The following UBE2E2 variants were observed in gnomAD, a reference collection of about 807,000 sequenced individuals.
UBE2E2 encodes the protein ubiquitin-conjugating enzyme E2 E2.
Under a neutral mutation model 24.7 loss-of-function variants are expected in UBE2E2, and 6 were observed. The ratio of observed to expected loss-of-function variants is 0.24; its 90% CI spans 0.13 to 0.48. The LOEUF (loss-of-function observed/expected upper bound fraction) is 0.48. Among genes scored for constraint, UBE2E2 ranks in the 20% least tolerant of loss-of-function variants. UBE2E2 has a pLI of 0.99. For synonymous variants in UBE2E2, 104 were observed against 83.6 expected, an observed-to-expected ratio of 1.24 and a Z score of -1.33; for missense variants, 169 against 245.0, an observed-to-expected ratio of 0.69 and a Z score of 2.07.
At chr3:23,552,675 T>A (rs1464000224) in intron 5 of UBE2E2, among the ~76,000 whole-genome samples, 1 of 152,236 alleles carries the variant, frequency 6.6e-6, no homozygotes, top group African/African-American at 2.4e-5. Flanking sequence ...AATTGTACTT[T>A]GGAACTTTTA....
chr3:23,348,351 A>AAAAAAAAAAAAAAG (rs1315159794), intron 3 of UBE2E2, among the ~76,000 whole-genome samples: 26 of 151,224 alleles, frequency 1.7e-4, no homozygotes, highest in Admixed American at 1.7e-3. Context: ...TGCTTTCAAA[A>AAAAAAAAAAAAAAG]AAAAAAAAAA....
Position 23,474,986 on chromosome 3 carries a change from C to G in UBE2E2, c.228-24622C>G, listed in dbSNP as rs893754884. On this transcript the variant is annotated intron_variant, in intron 3 of 5. Transcript: ENST00000396703. This position sits in a 1 kb window ranked among gnomAD's most constrained non-coding sequence, Gnocchi z 4.0. Reference sequence around the variant, plus strand: ...TTGCTCCTCTCAAAGTCACCAACTGCATTTTGCTGAAAGTGATAGAACTTT... The same window carrying G: ...TTGCTCCTCTCAAAGTCACCAACTGGATTTTGCTGAAAGTGATAGAACTTT... 6.6e-6 allele frequency among the ~76,000 whole-genome samples: 1 copy of G among 152,112 alleles called. No homozygotes were observed. Among genetic ancestry groups the G allele is most frequent in the Non-Finnish European group, 1.5e-5 (1 of 68,038 alleles).
chr3:23,284,507 CATTATTATTATG>C (rs148136050), intron 3 of UBE2E2, among the ~76,000 whole-genome samples: 26,091 of 151,754 alleles, frequency 0.17, 2,506 homozygotes, highest in Non-Finnish European at 0.21. Flanking sequence ...CCGCAGTTAT[CATTATTATTATG>C]ATTATTATTT....
At chr3:23,342,143 A>G (rs1015268214) in intron 3 of UBE2E2, among the ~76,000 whole-genome samples, 2 of 152,116 alleles carry the variant, frequency 1.3e-5, no homozygotes, top group Non-Finnish European at 2.9e-5. Flanking sequence ...TGTCTAGCTA[A>G]AAAGAGGATT....
At chr3:23,446,699 G>GT (rs57327621) in intron 3 of UBE2E2, among the ~76,000 whole-genome samples, 7,882 of 112,094 alleles carry the variant, frequency 0.07, 402 homozygotes, top group Non-Finnish European at 0.089. Context: ...CGTCTGTTTG[G>GT]TTTTTTTTTT....
chr3:23,382,378 T>C (rs947156637), intron 3 of UBE2E2, among the ~76,000 whole-genome samples: 2 of 151,842 alleles, frequency 1.3e-5, no homozygotes, highest in Non-Finnish European at 2.9e-5. Flanking sequence ...GAGGGGGTTT[T>C]ACCATGTTGG....
intron 5 of UBE2E2, among the ~76,000 whole-genome samples, chr3:23,575,123 A>G (rs1001694325): frequency 2.6e-5 from 4 of 152,184 alleles, no homozygotes; most frequent in Non-Finnish European, 5.9e-5. Context: ...CATTTTGAAC[A>G]TTTGTGTGAA....
In UBE2E2 at chr3:23,206,357, G is replaced by C. The variant is rs73821292; in HGVS notation, c.-8-2335G>C. ...TAGAGTGAAATAAAAATGAAAAAAA[G>C]CAAGAAATATGTTACGACTTTTAGA... On this transcript the variant is annotated intron_variant, in intron 1 of 5. Transcript: ENST00000396703. Among the ~76,000 whole-genome samples the C allele has an allele frequency of 5.1e-3, 770 of 152,254 alleles. 8 individuals carry two copies. Among genetic ancestry groups the C allele is most frequent in the African/African-American group, 0.018 (737 of 41,558 alleles).
intron 3 of UBE2E2, among the ~76,000 whole-genome samples, chr3:23,345,064 T>C (rs1362233884): frequency 4.6e-5 from 7 of 152,302 alleles, no homozygotes; most frequent in Middle Eastern, 3.4e-3. Context: ...TGCCCTTAAA[T>C]AGGTGTCAGT....
At chr3:23,328,957 C>T (rs761905307) in intron 3 of UBE2E2, among the ~76,000 whole-genome samples, 14 of 152,320 alleles carry the variant, frequency 9.2e-5, no homozygotes, top group Middle Eastern at 6.8e-3. Flanking sequence ...CCATCGTGCC[C>T]GGCCTAAAAT....
At chr3:23,528,616 TGGG>T (rs1280104315) in intron 4 of UBE2E2, among the ~76,000 whole-genome samples, 1 of 152,232 alleles carries the variant, frequency 6.6e-6, no homozygotes, top group Non-Finnish European at 1.5e-5. Flanking sequence ...CCCAAGGTTG[TGGG>T]ACCCTCCCTT....
chr3:23,299,929 G>A (rs1204383631), intron 3 of UBE2E2, among the ~76,000 whole-genome samples: 2 of 152,120 alleles, frequency 1.3e-5, no homozygotes, highest in African/African-American at 4.8e-5. Context: ...AAGTCTCTTT[G>A]TAGGTCACTC....
chr3:23,366,261 T>C (rs6550759), intron 3 of UBE2E2, among the ~76,000 whole-genome samples: 127,655 of 152,178 alleles, frequency 0.84, 53,601 homozygotes, highest in African/African-American at 0.89. Context: ...GGCAATTTCT[T>C]GAAGAACTTA....
chr3:23,460,498 C>G (rs1031771018), intron 3 of UBE2E2, among the ~76,000 whole-genome samples: 4 of 152,178 alleles, frequency 2.6e-5, no homozygotes, highest in Non-Finnish European at 5.9e-5. Flanking sequence ...GTGTAATAAG[C>G]CCTCTATTGA....
chr3:23,229,551 T>G (rs2125330855), intron 3 of UBE2E2, among the ~76,000 whole-genome samples: 1 of 152,320 alleles, frequency 6.6e-6, no homozygotes, highest in African/African-American at 2.4e-5. Flanking sequence ...GAAGACAGGC[T>G]TGGAAGGGTT....
chr3:23,226,834 A>T (rs943573702), intron 3 of UBE2E2, among the ~76,000 whole-genome samples: 2 of 152,112 alleles, frequency 1.3e-5, no homozygotes, highest in Admixed American at 6.6e-5. Context: ...GTTTTGATTT[A>T]AAAAAATTGT....
intron 3 of UBE2E2, among the ~76,000 whole-genome samples, chr3:23,444,245 C>T (rs187949668): frequency 1.3e-5 from 2 of 152,222 alleles, no homozygotes; most frequent in African/African-American, 4.8e-5. Context: ...GTGAATCTCT[C>T]AAGTTCTGGA....
chr3:23,334,636 A>G (rs992045525), intron 3 of UBE2E2, among the ~76,000 whole-genome samples: 1 of 152,236 alleles, frequency 6.6e-6, no homozygotes, highest in Non-Finnish European at 1.5e-5. Flanking sequence ...AAGAATGCAA[A>G]CAAGAAAATA....
At chr3:23,548,192 G>A (rs1373402636) in intron 5 of UBE2E2, among the ~76,000 whole-genome samples, 1 of 152,094 alleles carries the variant, frequency 6.6e-6, no homozygotes, top group African/African-American at 2.4e-5. Context: ...AATGAATCAC[G>A]TCAGAGGTTA....
Sources: allele counts gnomAD v4.1 joint callset (sites outside exome capture counted in the v4.1 genomes callset), GRCh38; gene constraint gnomAD v4.1.1; non-coding constraint Gnocchi (gnomAD v3.1); transcripts MANE v1.5; gene names NCBI Gene and HGNC (gene_info 2026-07-23, HGNC 2026-07-21).